INPP4A: variants seen among roughly 807,000 people sequenced by gnomAD.
INPP4A encodes inositol polyphosphate-4-phosphatase type I A.
INPP4A carries 33 observed loss-of-function variants against 119.8 expected under a neutral mutation model. The observed-to-expected ratio is 0.28, with a 90% CI of 0.21 to 0.37. The LOEUF (loss-of-function observed/expected upper bound fraction) is 0.37. Among genes scored for constraint, INPP4A ranks in the 10% least tolerant of loss-of-function variants. INPP4A has a pLI of 1.00. For missense variants in INPP4A, 956 were observed against 1,289.9 expected, an observed-to-expected ratio of 0.74 and a Z score of 3.97; for synonymous variants, 496 against 500.7, an observed-to-expected ratio of 0.99 and a Z score of 0.12.
At chr2:98,585,839 G>A (rs913912315) in intron 24 of INPP4A, among the ~76,000 whole-genome samples, 6 of 152,242 alleles carry the variant, frequency 3.9e-5, no homozygotes, top group Non-Finnish European at 7.3e-5. Context: ...AAAAGATAAT[G>A]TCAAAGTTCA....
intron 10 of INPP4A, among the ~76,000 whole-genome samples, chr2:98,541,054 G>A (rs752804457): frequency 2.6e-5 from 4 of 152,174 alleles, no homozygotes; most frequent in Non-Finnish European, 5.9e-5. Flanking sequence ...GAGGCCAGGC[G>A]CAGTGGCTCA....
At chr2:98,539,420 G>C in intron 9 of INPP4A, 108 bp from the exon 10 acceptor site, 2 of 1,206,346 alleles carry the variant, frequency 1.7e-6, no homozygotes, top group Non-Finnish European at 2.3e-6. Context: ...GATGAACAGT[G>C]AGAGGACTTG....
intron 7 of INPP4A, among the ~76,000 whole-genome samples, chr2:98,537,520 G>A (rs1463053840): frequency 6.6e-6 from 1 of 152,188 alleles, no homozygotes; most frequent in Non-Finnish European, 1.5e-5. Flanking sequence ...TCTGACACGT[G>A]TCCCCCTCAC....
At chr2:98,482,227 C>T (rs1678613511) in intron 1 of INPP4A, among the ~76,000 whole-genome samples, 1 of 152,240 alleles carries the variant, frequency 6.6e-6, no homozygotes, top group Non-Finnish European at 1.5e-5. Flanking sequence ...CTGTATCCTG[C>T]TTTTTTCCTC....
At chr2:98,532,355 CAA>C in intron 4 of INPP4A, among the ~76,000 whole-genome samples, 1 of 151,804 alleles carries the variant, frequency 6.6e-6, no homozygotes, top group African/African-American at 2.4e-5. Flanking sequence ...GTTGTGGACA[CAA>C]TAACATATTT....
At chr2:98,526,031 G>A (rs191268673) in intron 4 of INPP4A, among the ~76,000 whole-genome samples, 213 of 152,238 alleles carry the variant, frequency 1.4e-3, no homozygotes, top group African/African-American at 5.1e-3. Context: ...TTATTTAATA[G>A]TTCAAAACGG....
intron 1 of INPP4A, among the ~76,000 whole-genome samples, chr2:98,447,992 AGCAGAGATCGCACCACT>A (rs1445026485): frequency 9.5e-5 from 14 of 147,050 alleles, no homozygotes; most frequent in Non-Finnish European, 1.8e-4. Flanking sequence ...TCTTGCAGTG[AGCAGAGATCGCACCACT>A]GCACTCCAGC....
At chr2:98,529,226 G>T (rs1688747813) in intron 4 of INPP4A, among the ~76,000 whole-genome samples, 1 of 152,150 alleles carries the variant, frequency 6.6e-6, no homozygotes, top group Non-Finnish European at 1.5e-5. Flanking sequence ...TTTATAATGT[G>T]CTAATTGAAG....
Position 98,566,388 on chromosome 2 carries a change from G to A in INPP4A, c.2420+219G>A, listed in dbSNP as rs533169732. Among the ~76,000 whole-genome samples the A allele has an allele frequency of 6.6e-6, 1 of 152,212 alleles. No individual in the cohort carries two copies. Among genetic ancestry groups the A allele is most frequent in the Admixed American group, 6.5e-5 (1 of 15,284 alleles). ...TCTGTCCTCAGGGACTCAGCTGGTGGGAGAGAGAGAGACATGGATGCAATG... is the reference window on the plus strand; with the variant it reads ...TCTGTCCTCAGGGACTCAGCTGGTGAGAGAGAGAGAGACATGGATGCAATG... On this transcript the variant is annotated intron_variant, in intron 21 of 24. Transcript: ENST00000409851. This position sits in a 1 kb window ranked among gnomAD's most constrained non-coding sequence, Gnocchi z 4.2.
chr2:98,573,337 A>G (rs1348147086), intron 23 of INPP4A, among the ~76,000 whole-genome samples: 1 of 152,110 alleles, frequency 6.6e-6, no homozygotes, highest in African/African-American at 2.4e-5. Flanking sequence ...TTTCCCAAGC[A>G]CTTACCCTGC....
chr2:98,538,039 G>C, intron 8 of INPP4A, 65 bp downstream of exon 8: 2 of 1,108,550 alleles, frequency 1.8e-6, no homozygotes, highest in South Asian at 2.9e-5. Flanking sequence ...TAAAAATGCA[G>C]CCCTCGTGGA....
At position 98,539,568 on chromosome 2, in the gene INPP4A, C is replaced by T. The variant is rs887925045; in HGVS notation, c.711C>T (p.Thr237=). Residue 237 remains threonine, a synonymous_variant, in exon 10 of 25, where the codon ACC becomes ACT. Transcript: ENST00000409851. ...GAICRMYRFP[T]TDGNHLRILE... Reference sequence around the variant, plus strand: ...TCTGCCGCATGTACCGGTTTCCAACCACTGATGGTAACCATTTGCGGATCC... The same window carrying T: ...TCTGCCGCATGTACCGGTTTCCAACTACTGATGGTAACCATTTGCGGATCC... 1.2e-6 allele frequency: 2 copies of T among 1,612,302 alleles called. No individual in the cohort carries two copies. The highest frequency in any genetic ancestry group is 8.5e-7 in the Non-Finnish European group (1 of 1,179,048).
intron 21 of INPP4A, among the ~76,000 whole-genome samples, chr2:98,567,437 A>G (rs1696661431): frequency 6.6e-6 from 1 of 152,118 alleles, no homozygotes; most frequent in South Asian, 2.1e-4. Context: ...GCAAAGCCCC[A>G]AAGGTGTGAG....
chr2:98,544,053 A>G, intron 11 of INPP4A, 46 bp downstream of exon 11: 2 of 1,504,656 alleles, frequency 1.3e-6, no homozygotes, highest in Non-Finnish European at 1.8e-6. Context: ...GCGCACACAC[A>G]CACACACACA....
At chr2:98,534,453 T>C (rs1255598255) in intron 5 of INPP4A, among the ~76,000 whole-genome samples, 2 of 152,194 alleles carry the variant, frequency 1.3e-5, no homozygotes, top group Non-Finnish European at 2.9e-5. Context: ...TGGGGCTTCA[T>C]GAAATTCTAC....
chr2:98,575,012 CCCTGGGGATAAGGGGTTGTG>C (rs1698178907), intron 23 of INPP4A, among the ~76,000 whole-genome samples: 1 of 152,172 alleles, frequency 6.6e-6, no homozygotes, highest in South Asian at 2.1e-4. Context: ...CCCAGGCATC[CCCTGGGGATAAGGGGTTGTG>C]GGGCAGCAGT....
intron 4 of INPP4A, among the ~76,000 whole-genome samples, chr2:98,523,434 TC>T (rs1687610528): frequency 6.6e-6 from 1 of 151,482 alleles, no homozygotes; most frequent in Admixed American, 6.6e-5. Flanking sequence ...TCTCTCTGTC[TC>T]CCGGGGTGGA....
intron 1 of INPP4A, among the ~76,000 whole-genome samples, chr2:98,455,174 C>T (rs540057274): frequency 6.6e-6 from 1 of 152,082 alleles, no homozygotes; most frequent in South Asian, 2.1e-4. Flanking sequence ...CTTGTCTCTA[C>T]TAAAAATTAA....
chr2:98,521,697 T>TAAGCCAGGAGGATTGCTTG (rs1407053268), intron 4 of INPP4A: 1 of 152,090 alleles, frequency 6.6e-6, no homozygotes, highest in Non-Finnish European at 1.5e-5. Flanking sequence ...TTTGAGAGGC[T>TAAGCCAGGAGGATTGCTTG]AAGCCAGGAG....
Sources: gnomAD v4.1 joint callset for allele counts (sites outside exome capture counted in the v4.1 genomes callset) on GRCh38, gnomAD v4.1.1 for gene constraint, Gnocchi (gnomAD v3.1) non-coding constraint, MANE v1.5 for transcripts, NCBI Gene and HGNC (gene_info 2026-07-23, HGNC 2026-07-21) for gene names.